NUTM1: variants seen among roughly 807,000 people sequenced by gnomAD.
The protein encoded by NUTM1 is NUT family member 1.
In NUTM1, 39 loss-of-function variants were observed where a neutral mutation model predicts 88.7. That is an observed-to-expected ratio of 0.44 (90% CI 0.34 to 0.57). The LOEUF (loss-of-function observed/expected upper bound fraction) is 0.57. NUTM1 is among the 20% of genes least tolerant of loss of function. NUTM1 has a pLI of 0.01. For missense variants in NUTM1, 1,350 were observed against 1,414.5 expected, an observed-to-expected ratio of 0.95 and a Z score of 0.73; for synonymous variants, 494 against 538.0, an observed-to-expected ratio of 0.92 and a Z score of 1.13.
In NUTM1 at chr15:34,355,640, G is replaced by T; in HGVS notation, c.1632G>T (p.Gly544=). 6.2e-7 allele frequency: 1 copy of T among 1,611,026 alleles called. No homozygotes were observed. The highest frequency in any genetic ancestry group is 1.1e-5 in the South Asian group (1 of 90,888). ...TTCGGCCCTCACCTGGGCTTCAGGG[G>T]GCTGGGGGCGCCGCTTGCCTTGGAA... ...GRLRPSPGLQ[G]AGGAACLGKV... is the part of the protein sequence containing the mutation. The change falls in exon 8 of 8, where the codon GGG becomes GGT. Residue 544 remains glycine, a synonymous_variant. Transcript: ENST00000537011. This position sits in a 1 kb window ranked among gnomAD's most constrained non-coding sequence, Gnocchi z 4.3.
intron 4 of NUTM1, among the ~76,000 whole-genome samples, chr15:34,351,997 C>A (rs1327473743): frequency 1.3e-5 from 2 of 152,086 alleles, no homozygotes; most frequent in Non-Finnish European, 2.9e-5. Context: ...TGGAGAAACC[C>A]CCATCTCTAC....
chr15:34,353,935 C>T (rs1380796687), intron 5 of NUTM1, 63 bp downstream of exon 5: 1 of 1,567,096 alleles, frequency 6.4e-7, no homozygotes, highest in African/African-American at 1.4e-5. Flanking sequence ...CATACAGAAG[C>T]CAGTCACAGA....
At chr15:34,354,771 TG>T (rs753913380) in intron 6 of NUTM1, 39 bp downstream of exon 6, 1 of 1,604,500 alleles carries the variant, frequency 6.2e-7, no homozygotes, top group Admixed American at 1.7e-5. Context: ...AGCAGATCCT[TG>T]GGGTGGGTAC....
chr15:34,355,993 C>G lies in NUTM1; in HGVS notation c.1985C>G (p.Pro662Arg), dbSNP rs1231020219. 1 of 1,614,134 alleles carries G rather than the reference C, an allele frequency of 6.2e-7. No homozygotes were observed. Among genetic ancestry groups the G allele is most frequent in the South Asian group, 1.1e-5 (1 of 91,082 alleles). Residue 662 changes from proline to arginine, a missense_variant, in exon 8 of 8, where the codon CCC becomes CGC. Around this residue, in one of 5 missense-constraint regions of NUTM1, gnomAD observed 730 missense variants for 728.8 expected, o/e 1.00. Transcript: ENST00000537011. The surrounding 1 kb of genome is among the most constrained non-coding windows in gnomAD (Gnocchi z 4.3). The part of the protein sequence containing the change: ...WQGGFQPEST[P>R]SLDAGLAELA... Reference sequence around the variant, plus strand: ...GGAGGCTTCCAGCCTGAGAGCACTCCCAGTTTGGATGCTGGACTTGCAGAG... The same window carrying G: ...GGAGGCTTCCAGCCTGAGAGCACTCGCAGTTTGGATGCTGGACTTGCAGAG...
intron 2 of NUTM1, among the ~76,000 whole-genome samples, chr15:34,346,562 A>C (rs1427333027): frequency 5.7e-4 from 2 of 3,510 alleles, no homozygotes; most frequent in African/African-American, 3.3e-3. Flanking sequence ...GCCTTCCTGA[A>C]AACTAGGCTG....
chr15:34,352,442 G>A (rs442873), intron 4 of NUTM1, among the ~76,000 whole-genome samples: 135,277 of 151,958 alleles, frequency 0.89, 60,551 homozygotes, highest in Non-Finnish European at 0.94. Flanking sequence ...GCCTGATTAA[G>A]TTAAACAAGC....
In NUTM1 at chr15:34,352,680, C is replaced by T. The variant is rs188767429; in HGVS notation, c.939-1056C>T. ...AAAAAGCCAGGCGTGGTGGCACGCA[C>T]CTGTAGTCCCAGCTACTCAGGAGAC... On this transcript the variant is annotated intron_variant, in intron 4 of 7. Coordinates refer to ENST00000537011, the MANE Select transcript of NUTM1 (RefSeq NM_001284292.2). Among the ~76,000 whole-genome samples, 443 of 148,976 alleles carry T rather than the reference C, an allele frequency of 3.0e-3. 5 individuals are homozygous for T. In the East Asian group the frequency reaches 0.052, roughly 17 times the overall value.
At chr15:34,344,391 T>C (rs1213463954) in intron 1 of NUTM1, among the ~76,000 whole-genome samples, 2 of 149,778 alleles carry the variant, frequency 1.3e-5, no homozygotes, top group Non-Finnish European at 2.9e-5. Context: ...TAGTCCCAGC[T>C]ACTCGGGAGG....
intron 4 of NUTM1, among the ~76,000 whole-genome samples, chr15:34,351,227 CAAAAAAAAAAAAAA>C (rs397853945): frequency 1.2e-4 from 4 of 34,462 alleles, no homozygotes; most frequent in Admixed American, 5.6e-4. Context: ...GACTCCATCT[CAAAAAAAAAAAAAA>C]AAAAAAAAAA....
rs772461988 is a variant in NUTM1, at chr15:34,343,564, A to C, written c.-133A>C. On this transcript the variant is annotated 5_prime_UTR_variant, in exon 1 of 8. Transcript: ENST00000537011. ...CCATTTCAAAGCGTTGGCGGTAAAG[A>C]ATGCATGTTGAGTATCAATATTCCG... 1.4e-5 allele frequency: 22 copies of C among 1,529,846 alleles called. No individual in the cohort carries two copies. Among genetic ancestry groups the C allele is most frequent in the Middle Eastern group, 3.3e-4 (2 of 5,984 alleles). The allele number at this position is 1,529,846 out of a possible 1,614,324, so 94.8% of individuals were successfully genotyped here. A position where few individuals can be genotyped will look rare whatever the true frequency, so the allele number is the denominator to read the frequency against.
intron 3 of NUTM1, 126 bp downstream of exon 3, chr15:34,348,803 C>G: frequency 3.1e-6 from 2 of 640,268 alleles, no homozygotes; most frequent in South Asian, 3.9e-5. Flanking sequence ...GGGAGATGCT[C>G]TGAGAATGAA....
Position 34,354,744 on chromosome 15 carries a change from C to G in NUTM1, c.1362+12C>G. 6.2e-7 allele frequency: 1 copy of G among 1,613,536 alleles called. No homozygotes were observed. Among genetic ancestry groups the G allele is most frequent in the South Asian group, 1.1e-5 (1 of 90,930 alleles). On this transcript the variant is annotated intron_variant, in intron 6 of 7. Coordinates refer to ENST00000537011, the MANE Select transcript of NUTM1 (RefSeq NM_001284292.2). ...TCTTTGTCTCCAAGGTGAGCTGGGC[C>G]TGCACATCTTGTTTCTAGCAGATCC...
At position 34,357,046 on chromosome 15, in the gene NUTM1, C is replaced by G. The variant is rs2279684; in HGVS notation, c.3038C>G (p.Pro1013Arg). ...AGGGGAACCAGGAATGCCATAGTTC[C>G]GAGAGAAACTTCTGTTAGTAAAACA... The part of the protein sequence containing the change: ...PRRGTRNAIV[P>R]RETSVSKTHR... Residue 1013 changes from proline (P) to arginine (R), a missense_variant, in exon 8 of 8, where the codon CCG becomes CGG. Physicochemically the swap from Pro to Arg is moderately radical, Grantham distance 103 (BLOSUM62 -2). Transcript: ENST00000537011. The G allele has an allele frequency of 0.065, 105,538 of 1,613,508 alleles. 4,388 individuals are homozygous for G. The highest frequency in any genetic ancestry group is 0.2 in the East Asian group (8,885 of 44,844).
rs773412361 is a variant in NUTM1, at chr15:34,355,848, T to C, written c.1840T>C (p.Ser614Pro). 3.1e-6 allele frequency: 5 copies of C among 1,613,772 alleles called. No homozygotes were observed. In the African/African-American group the frequency reaches 4.0e-5, roughly 13 times the overall value. ...ACCCTTGGGTGTGGAGAGGAGAGGGTCTGGGAAGGTTATAAACCAGGTATC... is the reference window on the plus strand; with the variant it reads ...ACCCTTGGGTGTGGAGAGGAGAGGGCCTGGGAAGGTTATAAACCAGGTATC... ...PGPLGVERRG[S>P]GKVINQVSLH... The change falls in exon 8 of 8, where the codon TCT (serine) becomes CCT (proline). Residue 614 changes from serine (S) to proline (P), a missense_variant. Physicochemically the swap from Ser to Pro is moderately conservative, Grantham distance 74 (BLOSUM62 -1). Transcript: ENST00000537011. This position sits in a 1 kb window ranked among gnomAD's most constrained non-coding sequence, Gnocchi z 4.3.
chr15:34,353,973 C>T (rs955424085), intron 5 of NUTM1, 101 bp downstream of exon 5: 86 of 1,334,998 alleles, frequency 6.4e-5, no homozygotes, highest in Non-Finnish European at 8.1e-5. Flanking sequence ...CAGGCTCTGC[C>T]ACTTTCCCTC....
intron 2 of NUTM1, among the ~76,000 whole-genome samples, chr15:34,346,699 T>C (rs899388135): frequency 6.6e-5 from 3 of 45,480 alleles, no homozygotes; most frequent in Non-Finnish European, 1.4e-4. Flanking sequence ...CTGGCCAACA[T>C]GGCGTAAACC....
chr15:34,353,011 G>A (rs1158624271), intron 4 of NUTM1, among the ~76,000 whole-genome samples: 5 of 141,672 alleles, frequency 3.5e-5, no homozygotes, highest in Non-Finnish European at 6.1e-5. Context: ...TAAGCCTCCC[G>A]AGTAGCTGGG....
rs752684652 is a variant in NUTM1 at position 34,348,664 on chromosome 15, T to C, written c.796T>C (p.Ser266Pro). ...CCAGAGTCCTGACACAGAAGCTCTTTCCTGTTTTCTTATGTAAGTGGGGAG... is the reference window on the plus strand; with the variant it reads ...CCAGAGTCCTGACACAGAAGCTCTTCCCTGTTTTCTTATGTAAGTGGGGAG... ...LSQSPDTEAL[S>P]CFLIPVLRSL... The change falls in exon 3 of 8, where the codon TCC becomes CCC. Residue 266 changes from serine (S) to proline (P), a missense_variant. Physicochemically the swap from Ser to Pro is moderately conservative, Grantham distance 74 (BLOSUM62 -1). Coordinates refer to ENST00000537011, the MANE Select transcript of NUTM1 (RefSeq NM_001284292.2). 18 of 1,602,766 alleles carry C rather than the reference T, an allele frequency of 1.1e-5. No individual in the cohort carries two copies. Among genetic ancestry groups the C allele is most frequent in the Non-Finnish European group, 1.5e-5 (18 of 1,177,484 alleles).
Position 34,353,841 on chromosome 15 carries a change from G to GCCC in NUTM1, c.1046_1048dup (p.Pro349dup). On this transcript the variant is annotated inframe_insertion, in exon 5 of 8. Transcript: ENST00000537011. The stretch of plus-strand genomic sequence containing the variant: ...CCCCTTTGAAACTTGATCCTCTAGG[G>GCCC]CCCCTGGCCTCTGAGGTTTGCCAGC... 2 of 1,613,824 alleles carry GCCC rather than the reference G, an allele frequency of 1.2e-6. No homozygotes were observed. Among genetic ancestry groups the GCCC allele is most frequent in the Non-Finnish European group, 1.7e-6 (2 of 1,180,022 alleles).
Sources: gnomAD v4.1 joint callset for allele counts (sites outside exome capture counted in the v4.1 genomes callset) on GRCh38, gnomAD v4.1.1 for gene constraint, gnomAD v4.1.1 regional missense constraint, Gnocchi (gnomAD v3.1) non-coding constraint, MANE v1.5 for transcripts, NCBI Gene and HGNC (gene_info 2026-07-23, HGNC 2026-07-21) for gene names.